PCDH19: variants seen among roughly 807,000 people sequenced by gnomAD.
The protein encoded by PCDH19 is protocadherin 19, also known as protocadherin-19.
Under a neutral mutation model 46.2 loss-of-function variants are expected in PCDH19, and 6 were observed. The observed-to-expected ratio is 0.13, with a 90% CI of 0.07 to 0.26. The LOEUF is 0.26. Ranked by LOEUF, PCDH19 falls within the 10% of genes least tolerant of loss-of-function variation. PCDH19 has a pLI of 1.00. For missense variants in PCDH19, 740 were observed against 972.3 expected (o/e 0.76, Z 3.18); for synonymous variants, 481 against 415.7 (o/e 1.16, Z -1.91).
At chrX:100,394,028 A>G (rs771356613) in intron 3 of PCDH19, among the ~76,000 whole-genome samples, 2 of 111,694 alleles carry the variant, frequency 1.8e-5, no homozygotes, top group East Asian at 2.8e-4. Flanking sequence ...TTAGCCGGGC[A>G]TAGTGGTGCA....
At chrX:100,327,532 A>C (rs984370125) in intron 5 of PCDH19, among the ~76,000 whole-genome samples, 1 of 112,123 alleles carries the variant, frequency 8.9e-6, no homozygotes, top group African/African-American at 3.2e-5. Context: ...TGGAGCCTGA[A>C]GTGATTGGAC....
chrX:100,321,953 C>A (rs1925503317), intron 5 of PCDH19, among the ~76,000 whole-genome samples: 1 of 108,547 alleles, frequency 9.2e-6, no homozygotes, highest in African/African-American at 3.4e-5. Context: ...CCACACCCGG[C>A]TAATTTTTTG....
chrX:100,406,599 C>G lies in PCDH19; in HGVS notation c.1999G>C (p.Asp667His), dbSNP rs772762763. Residue 667 changes from aspartate to histidine, a missense_variant, in exon 1 of 6, where the codon GAT becomes CAT. Asp to His is a moderately conservative substitution (Grantham distance 81, BLOSUM62 -1). Coordinates refer to ENST00000373034, the MANE Select transcript of PCDH19 (RefSeq NM_001184880.2). ...ACAGAGCCCATTGACTCTTGGGCAT[C>G]GAGAGCAGGGGACAAGTAGATTAGG... is the stretch of plus-strand genomic sequence containing the variant. Reference protein sequence around the residue: ...LVLIYLSPALDAQESMGSVNL... With the variant: ...LVLIYLSPALHAQESMGSVNL... 2.5e-6 allele frequency: 3 copies of G among 1,209,069 alleles called. No individual in the cohort carries two copies. Among genetic ancestry groups the G allele is most frequent in the Admixed American group, 4.4e-5 (2 of 45,729 alleles).
intron 3 of PCDH19, among the ~76,000 whole-genome samples, chrX:100,388,019 TA>T (rs1199941217): frequency 1.8e-5 from 2 of 111,438 alleles, no homozygotes; most frequent in African/African-American, 6.5e-5. Flanking sequence ...TTAATTTAAG[TA>T]ATTGCTTTTC....
chrX:100,314,818 T>G (rs1925245117), intron 5 of PCDH19, among the ~76,000 whole-genome samples: 1 of 112,207 alleles, frequency 8.9e-6, no homozygotes, highest in African/African-American at 3.2e-5. Context: ...ATGAACCTTT[T>G]ATTCCAACTT....
chrX:100,380,053 A>G (rs1737982480), intron 3 of PCDH19, among the ~76,000 whole-genome samples: 1 of 112,314 alleles, frequency 8.9e-6, no homozygotes, highest in African/African-American at 3.2e-5. Context: ...TCTGAAATGA[A>G]TTTGATTTTT....
At chrX:100,341,866 A>C in intron 5 of PCDH19, 37 bp downstream of exon 5, 1 of 1,176,293 alleles carries the variant, frequency 8.5e-7, no homozygotes, top group Non-Finnish European at 1.2e-6. Flanking sequence ...GGTTCTTTGG[A>C]GTCGATTGCT....
At position 100,408,250 on chromosome X, in the gene PCDH19, C is replaced by T. The variant is rs764416212; in HGVS notation, c.348G>A (p.Lys116=). The T allele has an allele frequency of 4.1e-6, 5 of 1,210,258 alleles. No homozygotes were observed. The East Asian group carries it at 1.5e-4, about 36-fold the overall frequency. The stretch of plus-strand genomic sequence containing the variant: ...TGTCGTTCAGGTCCTTGATCTCCAC[C>T]TTTATCACGCAGATTTCCATTGAGC... ...MSSSMEICVI[K]VEIKDLNDNA... The change falls in exon 1 of 6, where the codon AAG becomes AAA. Residue 116 remains lysine (K), a synonymous_variant. Coordinates refer to ENST00000373034, the MANE Select transcript of PCDH19 (RefSeq NM_001184880.2).
intron 3 of PCDH19, among the ~76,000 whole-genome samples, chrX:100,366,345 G>A (rs1346568703): frequency 9.0e-6 from 1 of 111,626 alleles, no homozygotes; most frequent in Non-Finnish European, 1.9e-5. Context: ...AAGGGGAGCT[G>A]GAATGATGAC....
intron 2 of PCDH19, 118 bp from the exon 3 acceptor site, chrX:100,402,969 G>A (rs1333832173): frequency 1.8e-6 from 1 of 553,653 alleles, no homozygotes; most frequent in Non-Finnish European, 3.1e-6. Flanking sequence ...CCTTATTCTG[G>A]TGCATTACAT....
chrX:100,390,115 C>T (rs1272547373), intron 3 of PCDH19, among the ~76,000 whole-genome samples: 1 of 111,535 alleles, frequency 9.0e-6, no homozygotes, highest in Non-Finnish European at 1.9e-5. Context: ...ATCTTGTCTC[C>T]TCAGTGGCAA....
At chrX:100,367,571 T>C (rs1159959721) in intron 3 of PCDH19, among the ~76,000 whole-genome samples, 1 of 111,713 alleles carries the variant, frequency 9.0e-6, no homozygotes, top group Non-Finnish European at 1.9e-5. Context: ...GGAGGAACAC[T>C]GTGTCCTCAC....
intron 5 of PCDH19, among the ~76,000 whole-genome samples, chrX:100,329,081 A>G (rs1925792086): frequency 8.9e-6 from 1 of 112,460 alleles, no homozygotes. Flanking sequence ...CTGTTTTAGC[A>G]GAAGGCTAGT....
intron 3 of PCDH19, among the ~76,000 whole-genome samples, chrX:100,396,145 C>T (rs774796706): frequency 8.9e-6 from 1 of 111,984 alleles, no homozygotes; most frequent in Non-Finnish European, 1.9e-5. Flanking sequence ...AGCTGAGGTA[C>T]ACATGCAGAG....
chrX:100,325,901 A>C (rs1925681351), intron 5 of PCDH19, among the ~76,000 whole-genome samples: 1 of 112,104 alleles, frequency 8.9e-6, no homozygotes, highest in Admixed American at 9.4e-5. Context: ...TGTCTCCCCA[A>C]GCCCTACTTT....
In PCDH19 at chrX:100,408,515, G is replaced by C. The variant is rs766962106; in HGVS notation, c.83C>G (p.Ser28Trp). ...QAAALINLKY[S>W]VEEEQRAGTV... ...CCCGGCGCGCTGCTCCTCTTCTACC[G>C]AGTACTTGAGATTAATGAGGGCGGC... is the stretch of plus-strand genomic sequence containing the variant. Residue 28 changes from serine (S) to tryptophan (W), a missense_variant, in exon 1 of 6, where the codon TCG becomes TGG. By Grantham distance (177) the Ser-to-Trp change is radical (BLOSUM62 -3). This residue lies in a region of PCDH19 where 81 missense variants were observed against 96.5 expected (regional missense o/e 0.84). Transcript: ENST00000373034. The C allele has an allele frequency of 8.3e-7, 1 of 1,200,931 alleles. No homozygotes were observed. Among genetic ancestry groups the C allele is most frequent in the South Asian group, 1.8e-5 (1 of 56,080 alleles).
At chrX:100,316,158 A>G (rs1485885318) in intron 5 of PCDH19, among the ~76,000 whole-genome samples, 2 of 112,160 alleles carry the variant, frequency 1.8e-5, no homozygotes, top group Non-Finnish European at 3.8e-5. Context: ...CACTTTCCAT[A>G]TGATTCAAAC....
chrX:100,372,119 C>T, intron 3 of PCDH19, among the ~76,000 whole-genome samples: 1 of 111,443 alleles, frequency 9.0e-6, no homozygotes, highest in East Asian at 2.8e-4. Flanking sequence ...CGCCTGTAAT[C>T]CCAGCTGCTT....
intron 2 of PCDH19, 77 bp downstream of exon 2, chrX:100,403,447 C>A: frequency 3.9e-6 from 4 of 1,035,652 alleles, no homozygotes; most frequent in East Asian, 3.1e-5. Context: ...TTCCCTTTTA[C>A]TCACCCCCCG....
Sources: allele counts gnomAD v4.1 joint callset (sites outside exome capture counted in the v4.1 genomes callset), GRCh38; gene constraint gnomAD v4.1.1; regional missense constraint gnomAD v4.1.1; transcripts MANE v1.5; gene names NCBI Gene and HGNC (gene_info 2026-07-23, HGNC 2026-07-21).